The following MTF2 variants were observed in gnomAD, a reference collection of about 807,000 sequenced individuals.
MTF2 encodes metal response element binding transcription factor 2, also known as metal-response element-binding transcription factor 2.
MTF2 carries 11 observed loss-of-function variants against 79.5 expected under a neutral mutation model. That is an observed-to-expected ratio of 0.14 (90% CI 0.09 to 0.23). MTF2 has a LOEUF of 0.23. Among genes scored for constraint, MTF2 ranks in the 10% least tolerant of loss-of-function variants. The pLI is 1.00. For missense variants in MTF2, 486 were observed against 711.2 expected (o/e 0.68, Z 3.60); for synonymous variants, 208 against 232.8 (o/e 0.89, Z 0.97).
chr1:93,099,056 A>G (rs1408044732), intron 1 of MTF2, among the ~76,000 whole-genome samples: 1 of 152,192 alleles, frequency 6.6e-6, no homozygotes, highest in Non-Finnish European at 1.5e-5. Flanking sequence ...CCGCTCAGGT[A>G]AAGAATGTAG....
intron 1 of MTF2, among the ~76,000 whole-genome samples, chr1:93,087,674 A>G (rs1654904117): frequency 6.6e-6 from 1 of 152,198 alleles, no homozygotes; most frequent in Non-Finnish European, 1.5e-5. Flanking sequence ...CAGTTGCTAA[A>G]TCTGAAAATA....
At chr1:93,087,552 A>G (rs1654898728) in intron 1 of MTF2, among the ~76,000 whole-genome samples, 1 of 147,170 alleles carries the variant, frequency 6.8e-6, no homozygotes, top group Admixed American at 7.0e-5. Context: ...AGCCTGGGCA[A>G]CAGAGTGAGA....
At chr1:93,088,612 C>T (rs762324163) in intron 1 of MTF2, among the ~76,000 whole-genome samples, 9 of 152,132 alleles carry the variant, frequency 5.9e-5, no homozygotes, top group Admixed American at 3.3e-4. Flanking sequence ...CTTGCCCAGG[C>T]GGGAATGCAG....
chr1:93,106,619 A>G (rs150498484), intron 1 of MTF2, among the ~76,000 whole-genome samples: 99 of 152,012 alleles, frequency 6.5e-4, no homozygotes, highest in African/African-American at 2.1e-3. Context: ...TCCTGGGTTC[A>G]AGACATTTTC....
intron 1 of MTF2, among the ~76,000 whole-genome samples, chr1:93,084,275 A>G (rs192402124): frequency 4.6e-5 from 7 of 152,310 alleles, no homozygotes; most frequent in South Asian, 2.1e-4. Flanking sequence ...GTGTTTGACA[A>G]TCTTGTCAAA....
At chr1:93,104,066 G>C (rs1484193348) in intron 1 of MTF2, among the ~76,000 whole-genome samples, 1 of 150,532 alleles carries the variant, frequency 6.6e-6, no homozygotes, top group African/African-American at 2.4e-5. Context: ...AGCCTCCTGA[G>C]TAGCTGAGAC....
At chr1:93,099,932 G>T (rs1039162980) in intron 1 of MTF2, among the ~76,000 whole-genome samples, 25 of 152,168 alleles carry the variant, frequency 1.6e-4, no homozygotes, top group African/African-American at 5.8e-4. Context: ...ATCTTTGCAT[G>T]ACCAATATTT....
At chr1:93,114,623 A>G (rs1034186167) in intron 3 of MTF2, 65 bp from the exon 4 acceptor site, 10 of 1,249,190 alleles carry the variant, frequency 8.0e-6, no homozygotes, top group Non-Finnish European at 1.1e-5. Context: ...ACTGAGTCAT[A>G]AAAGTGGTTT....
Position 93,136,767 on chromosome 1 carries a change from C to T in MTF2, c.1522C>T (p.Leu508Phe). 1 of 1,614,164 alleles carries T rather than the reference C, an allele frequency of 6.2e-7. No individual in the cohort carries two copies. Among genetic ancestry groups the T allele is most frequent in the Non-Finnish European group, 8.5e-7 (1 of 1,180,020 alleles). ...AAGAGGTCGTCTTCCAAGAAGAGCA[C>T]TCCAGACTCAGAACTCAGAAATTGT... ...RRRGRLPRRA[L>F]QTQNSEIVKD... is the part of the protein sequence containing the mutation. The change falls in exon 15 of 15, where the codon CTC becomes TTC. Residue 508 changes from leucine (L) to phenylalanine (F), a missense_variant. By Grantham distance (22) the Leu-to-Phe change is conservative (BLOSUM62 0). Around this residue, in one of 4 missense-constraint regions of MTF2, gnomAD observed 209 missense variants for 206.5 expected, o/e 1.01. Transcript: ENST00000370298.
chr1:93,096,598 A>G (rs1655297052), intron 1 of MTF2, among the ~76,000 whole-genome samples: 1 of 151,146 alleles, frequency 6.6e-6, no homozygotes, highest in African/African-American at 2.4e-5. Context: ...TTCTTCCTTC[A>G]ACATGAGATA....
chr1:93,092,502 A>G (rs780579926), intron 1 of MTF2, among the ~76,000 whole-genome samples: 7 of 151,974 alleles, frequency 4.6e-5, no homozygotes, highest in African/African-American at 7.3e-5. Flanking sequence ...GCCCCTTCCC[A>G]CTCCTTAGAG....
intron 1 of MTF2, among the ~76,000 whole-genome samples, chr1:93,095,887 C>A (rs1242264396): frequency 6.6e-6 from 1 of 151,158 alleles, no homozygotes; most frequent in Non-Finnish European, 1.5e-5. Flanking sequence ...AACTCCTGAC[C>A]TTGTGATCCG....
rs367725866 is a variant in MTF2, at chr1:93,110,643, C to T, written c.286+17C>T. 1.8e-5 allele frequency: 28 copies of T among 1,566,026 alleles called. No individual in the cohort carries two copies. In the African/African-American group the frequency reaches 3.4e-4, roughly 19 times the overall value. ...TTCAAACAGGCAGGTGCTACTATTT[C>T]TCTTGAACATGATTTAAATTAAAAT... On this transcript the variant is annotated intron_variant, in intron 3 of 14. Transcript: ENST00000370298.
intron 11 of MTF2, among the ~76,000 whole-genome samples, chr1:93,131,241 G>A (rs957376561): frequency 2.5e-4 from 38 of 152,188 alleles, no homozygotes; most frequent in Non-Finnish European, 1.0e-4. Flanking sequence ...GAAGTTTGAT[G>A]TCATGACAAC....
chr1:93,079,443 C>G lies in MTF2; in HGVS notation c.-84C>G. ...CGGTGGGGCGGGTGCCCAGTAAGTG[C>G]TCGGACTCGCAGGGGAAGCGCCCAC... On this transcript the variant is annotated 5_prime_UTR_variant, in exon 1 of 15. Coordinates refer to ENST00000370298, the MANE Select transcript of MTF2 (RefSeq NM_007358.4). The G allele has an allele frequency of 1.9e-6, 3 of 1,581,978 alleles. No individual in the cohort carries two copies. Among genetic ancestry groups the G allele is most frequent in the Non-Finnish European group, 2.6e-6 (3 of 1,152,680 alleles).
At chr1:93,084,670 A>C (rs753329641) in intron 1 of MTF2, among the ~76,000 whole-genome samples, 2 of 152,160 alleles carry the variant, frequency 1.3e-5, no homozygotes, top group African/African-American at 2.4e-5. Context: ...CTCTGATATT[A>C]TGTAGTTTTC....
rs1422534344 is a variant in MTF2 at position 93,113,391 on chromosome 1, A to G, written c.287-1297A>G. Reference sequence around the variant, plus strand: ...CAAGACCCTATCTGAGGGGAAAAATAAAAGGAAGCAAACAAAGCAGAAGAG... The same window carrying G: ...CAAGACCCTATCTGAGGGGAAAAATGAAAGGAAGCAAACAAAGCAGAAGAG... On this transcript the variant is annotated intron_variant, in intron 3 of 14. Transcript: ENST00000370298. 5.3e-5 allele frequency among the ~76,000 whole-genome samples: 8 copies of G among 152,122 alleles called. No individual in the cohort carries two copies. The East Asian group carries it at 1.5e-3, about 29-fold the overall frequency.
Position 93,133,979 on chromosome 1 carries a change from G to A in MTF2, c.1318G>A (p.Gly440Arg). 1 of 1,572,432 alleles carries A rather than the reference G, an allele frequency of 6.4e-7. No individual in the cohort carries two copies. Residue 440 changes from glycine (G) to arginine (R), a missense_variant and splice_region_variant, in exon 13 of 15, where the codon GGG becomes AGG. Coordinates refer to ENST00000370298, the MANE Select transcript of MTF2 (RefSeq NM_007358.4). ...TACTTTGGATTTACCTTGTTCTATA[G>A]GGTAAATAGAAAGTTATTTTCTCCC... ...NPTLDLPCSI[G>R]RTEGTAHSSN...
chr1:93,126,603 G>T (rs1258525400), intron 9 of MTF2, among the ~76,000 whole-genome samples: 1 of 151,582 alleles, frequency 6.6e-6, no homozygotes, highest in Non-Finnish European at 1.5e-5. Context: ...AAGCCCTATT[G>T]GAACAAAATA....
Sources: allele counts gnomAD v4.1 joint callset (sites outside exome capture counted in the v4.1 genomes callset), GRCh38; gene constraint gnomAD v4.1.1; regional missense constraint gnomAD v4.1.1; transcripts MANE v1.5; gene names NCBI Gene and HGNC (gene_info 2026-07-23, HGNC 2026-07-21).